Variants in FFAR1 observed in about 807,000 individuals in gnomAD.
The protein encoded by FFAR1 is free fatty acid receptor 1, also known as G-protein coupled receptor 40.
For synonymous variants in FFAR1, 216 were observed against 201.5 expected (o/e 1.07, Z -0.61); for missense variants, 424 against 396.2 (o/e 1.07, Z -0.60).
chr19:35,349,538 G>C (rs1407381609), upstream of FFAR1, among the ~76,000 whole-genome samples: 3 of 152,224 alleles, frequency 2.0e-5, no homozygotes, highest in African/African-American at 7.2e-5. Flanking sequence ...CTGCTCTCGA[G>C]AAAAAGGCGA....
At chr19:35,349,341 T>G (rs1301610263), upstream of FFAR1, among the ~76,000 whole-genome samples, 1 of 152,112 alleles carries the variant, frequency 6.6e-6, no homozygotes, top group African/African-American at 2.4e-5. Context: ...AGACGCCAGG[T>G]GGGTGGGGCC....
upstream of FFAR1, among the ~76,000 whole-genome samples, chr19:35,351,079 C>T (rs1205944063): frequency 6.6e-6 from 1 of 152,188 alleles, no homozygotes; most frequent in Non-Finnish European, 1.5e-5. Flanking sequence ...GGGGTGGGGG[C>T]AGCTCCTGCC....
exon 1 of FFAR1, chr19:35,352,297 T>G: frequency 6.4e-7 from 1 of 1,552,342 alleles, no homozygotes; most frequent in Non-Finnish European, 8.7e-7. Context: ...GCCAGCTTCC[T>G]GTACCCCAAT....
chr19:35,348,065 A>G (rs950432590), upstream of FFAR1, among the ~76,000 whole-genome samples: 3 of 152,194 alleles, frequency 2.0e-5, no homozygotes, highest in African/African-American at 7.2e-5. Flanking sequence ...CATTCTCCTT[A>G]GAGGGCAGGG....
chr19:35,350,579 C>T (rs1265850179), upstream of FFAR1, among the ~76,000 whole-genome samples: 8 of 152,158 alleles, frequency 5.3e-5, no homozygotes, highest in Admixed American at 4.6e-4. Flanking sequence ...GCTACACACT[C>T]GGCCCCTACC....
At chr19:35,349,777 T>G (rs925676819), upstream of FFAR1, among the ~76,000 whole-genome samples, 13 of 152,120 alleles carry the variant, frequency 8.5e-5, no homozygotes, top group Admixed American at 8.5e-4. Context: ...AGAGCTGTGT[T>G]GTCATTCTGA....
chr19:35,352,320 T>A (rs904995059), exon 1 of FFAR1: 3 of 1,552,172 alleles, frequency 1.9e-6, no homozygotes, highest in African/African-American at 2.7e-5. Flanking sequence ...AGGAGGCTCC[T>A]GGCGGAAGCT....
upstream of FFAR1, among the ~76,000 whole-genome samples, chr19:35,350,656 CTGG>C (rs1388769886): frequency 6.6e-6 from 1 of 152,184 alleles, no homozygotes; most frequent in African/African-American, 2.4e-5. Context: ...CTCACCTCCT[CTGG>C]CGTGGCCTCA....
At position 35,352,065 on chromosome 19, in the gene FFAR1, G is replaced by T; in HGVS notation, c.514G>T (p.Glu172Ter). 1 of 1,613,470 alleles carries T rather than the reference G, an allele frequency of 6.2e-7. No individual in the cohort carries two copies. The highest frequency in any genetic ancestry group is 8.5e-7 in the Non-Finnish European group (1 of 1,179,942). ...GGTCAACGGCTCTCCGGTCTGCCTGGAGGCCTGGGACCCGGCCTCTGCCGG... is the reference window on the plus strand; with the variant it reads ...GGTCAACGGCTCTCCGGTCTGCCTGTAGGCCTGGGACCCGGCCTCTGCCGG... The change falls in exon 1 of 1, where the codon GAG becomes TAG. Residue 172 changes from glutamate to a stop codon, truncating the protein, a stop_gained. Transcript: ENST00000246553. LOFTEE classifies it low-confidence loss of function (END_TRUNC).
upstream of FFAR1, among the ~76,000 whole-genome samples, chr19:35,348,027 C>A (rs901793253): frequency 1.3e-5 from 2 of 152,242 alleles, no homozygotes; most frequent in Admixed American, 6.5e-5. Flanking sequence ...TCCACCCATT[C>A]ACCTGCTTCT....
chr19:35,351,528 C>T (rs1349958491), upstream of FFAR1: 9 of 1,537,258 alleles, frequency 5.9e-6, no homozygotes, highest in South Asian at 7.1e-5. Flanking sequence ...ACACAGGAGC[C>T]GTGCAGGCCA....
rs1568495701 is a variant in FFAR1, at chr19:35,351,720, GTC to G, written c.175_176del (p.Leu59AlafsTer213). ...GGGCTGCTCCGACCTGCTGCTGACAGTCTCTCTGCCCCTGAAGGCGGTGGAGG... is the reference window on the plus strand; with the variant it reads ...GGGCTGCTCCGACCTGCTGCTGACAGTCTCTGCCCCTGAAGGCGGTGGAGG... On this transcript the variant is annotated frameshift_variant, in exon 1 of 1. Transcript: ENST00000246553. LOFTEE classifies it low-confidence loss of function (END_TRUNC). 6.4e-7 allele frequency: 1 copy of G among 1,565,412 alleles called. No individual in the cohort carries two copies.
exon 1 of FFAR1, chr19:35,351,776 G>T: frequency 6.3e-7 from 1 of 1,579,274 alleles, no homozygotes. Context: ...GGCCTCTGCC[G>T]GCCTCGCTGT....
chr19:35,352,171 G>T, exon 1 of FFAR1: 1 of 1,608,386 alleles, frequency 6.2e-7, no homozygotes. Flanking sequence ...GGCTGCCTCC[G>T]GGCACTGGCC....
chr19:35,351,854 T>C (rs1242679603), exon 1 of FFAR1: 4 of 1,612,312 alleles, frequency 2.5e-6, no homozygotes, highest in Non-Finnish European at 3.4e-6. Flanking sequence ...CCGCCCTGAG[T>C]GCAGGCCGCT....
exon 1 of FFAR1, chr19:35,351,919 C>T (rs578010155): frequency 6.2e-7 from 1 of 1,614,112 alleles, no homozygotes; most frequent in African/African-American, 1.3e-5. Context: ...CCGTGCTATT[C>T]CTGGGGGGTG....
At chr19:35,353,702 G>A (rs2066954450) in exon 1 of FFAR1, 1 of 152,220 alleles carries the variant, frequency 6.6e-6, no homozygotes, top group Non-Finnish European at 1.5e-5. Context: ...CGCGGCTGCA[G>A]ATCTCAATCT....
At chr19:35,351,593 C>T (rs2066944483) in exon 1 of FFAR1, 2 of 1,541,004 alleles carry the variant, frequency 1.3e-6, no homozygotes, top group South Asian at 1.2e-5. Flanking sequence ...TCTATGTGGC[C>T]GCCTTTGCGC....
At chr19:35,348,451 T>C (rs1470736200), upstream of FFAR1, among the ~76,000 whole-genome samples, 1 of 152,088 alleles carries the variant, frequency 6.6e-6, no homozygotes, top group Non-Finnish European at 1.5e-5. Flanking sequence ...ATACAAAAAT[T>C]AGCTGAGCGT....
Sources: allele counts gnomAD v4.1 joint callset (sites outside exome capture counted in the v4.1 genomes callset), GRCh38; gene constraint gnomAD v4.1.1; transcripts MANE v1.5; gene names NCBI Gene and HGNC (gene_info 2026-07-23, HGNC 2026-07-21).